OSBPL5: variants seen among roughly 807,000 people sequenced by gnomAD.
OSBPL5 encodes the protein oxysterol-binding protein-related protein 5.
A neutral mutation model predicts 111.2 loss-of-function variants in OSBPL5; 71 were observed. That is an observed-to-expected ratio of 0.64 (90% CI 0.53 to 0.78). The LOEUF is 0.78. Ranked by LOEUF, OSBPL5 falls within the 30% of genes least tolerant of loss-of-function variation. The pLI is 0.00. For synonymous variants in OSBPL5, 549 were observed against 513.9 expected (o/e 1.07, Z -0.93); for missense variants, 1,210 against 1,189.3 (o/e 1.02, Z -0.26).
At chr11:3,118,572 T>A (rs1858290864) in intron 7 of OSBPL5, among the ~76,000 whole-genome samples, 1 of 38,152 alleles carries the variant, frequency 2.6e-5, no homozygotes, top group South Asian at 6.0e-4. Context: ...AATAAACTAT[T>A]TTTTTTTTTT....
rs75344555 is a variant in OSBPL5, at chr11:3,090,585, C to T, written c.2371G>A (p.Glu791Lys). The T allele has an allele frequency of 2.0e-4, 319 of 1,613,062 alleles. No homozygotes were observed. In the African/African-American group the frequency reaches 3.5e-3, roughly 18 times the overall value. The change falls in exon 20 of 22, where the codon GAG becomes AAG. Residue 791 changes from glutamate to lysine, a missense_variant. By Grantham distance (56) the Glu-to-Lys change is moderately conservative. Transcript: ENST00000263650. The stretch of plus-strand genomic sequence containing the variant: ...GGGACAAAGTCACCATCCTGCTCCT[C>T]GTCTGAGAGCTCTGGGCAGGACTCA... ...TPESCPELSD[E>K]EQDGDFVPGG... is the part of the protein sequence containing the mutation.
At chr11:3,156,610 T>A (rs79456598) in intron 1 of OSBPL5, among the ~76,000 whole-genome samples, 1 of 152,178 alleles carries the variant, frequency 6.6e-6, no homozygotes, top group Non-Finnish European at 1.5e-5. Context: ...CTAAAGCAAA[T>A]ACAAGCCAGG....
intron 17 of OSBPL5, 27 bp from the exon 18 acceptor site, chr11:3,093,079 C>A: frequency 6.6e-7 from 1 of 1,514,262 alleles, no homozygotes; most frequent in East Asian, 2.3e-5. Context: ...CATCCTGAGC[C>A]AGTGGCCCGG....
In OSBPL5 at chr11:3,088,022, T is replaced by C. The variant is rs1258010689; in HGVS notation, c.*183A>G. On this transcript the variant is annotated 3_prime_UTR_variant, in exon 22 of 22. Coordinates refer to ENST00000263650, the MANE Select transcript of OSBPL5 (RefSeq NM_020896.4). ...GGCCCTGCAGAGAGGCCAGTGCCCC[T>C]GAGAGGGGCCCAGCACACCTGGGCC... The C allele has an allele frequency of 9.7e-6, 5 of 514,280 alleles. No homozygotes were observed. Among genetic ancestry groups the C allele is most frequent in the South Asian group, 3.8e-5 (1 of 26,468 alleles). The allele number at this position is 514,280 out of a possible 1,614,324, so 31.9% of individuals were successfully genotyped here. A position where few individuals can be genotyped will look rare whatever the true frequency, so the allele number is the denominator to read the frequency against.
chr11:3,122,334 G>A lies in OSBPL5; in HGVS notation c.300+14C>T, dbSNP rs770604554. ...ACAGTGACACTGCTGCACCCTCCCC[G>A]GGCCCGGGCTCACCTTGAGAGTCTC... On this transcript the variant is annotated intron_variant, in intron 4 of 21. Coordinates refer to ENST00000263650, the MANE Select transcript of OSBPL5 (RefSeq NM_020896.4). 43 of 1,611,124 alleles carry A rather than the reference G, an allele frequency of 2.7e-5. No homozygotes were observed. Among genetic ancestry groups the A allele is most frequent in the Admixed American group, 6.7e-5 (4 of 59,820 alleles).
chr11:3,158,580 G>C (rs572863805), intron 1 of OSBPL5, among the ~76,000 whole-genome samples: 1 of 152,378 alleles, frequency 6.6e-6, no homozygotes, highest in East Asian at 1.9e-4. Flanking sequence ...GCAGAAGCTA[G>C]ACTCACGGAG....
intron 7 of OSBPL5, among the ~76,000 whole-genome samples, chr11:3,111,337 C>T (rs1177504532): frequency 6.6e-6 from 1 of 152,044 alleles, no homozygotes; most frequent in Non-Finnish European, 1.5e-5. Flanking sequence ...TTGCTTCCAA[C>T]AGGGAAGATG....
rs34351257 is a variant in OSBPL5, at chr11:3,121,061, C to CTTTTTTTT, written c.403-445_403-438dup. Among the ~76,000 whole-genome samples the CTTTTTTTT allele has an allele frequency of 7.7e-6, 1 of 130,352 alleles. No homozygotes were observed. The highest frequency in any genetic ancestry group is 1.6e-5 in the Non-Finnish European group (1 of 62,458). 85.5% of individuals were successfully genotyped at this position (130,352 alleles called of 152,430 possible). ...CTTGTAACTGGCAGCTTTGTAGATT[C>CTTTTTTTT]TTTTTTTTTTTTTTTTTGAGACAGA... On this transcript the variant is annotated intron_variant, in intron 5 of 21. Coordinates refer to ENST00000263650, the MANE Select transcript of OSBPL5 (RefSeq NM_020896.4). This position sits in a 1 kb window ranked among gnomAD's most constrained non-coding sequence, Gnocchi z 4.3.
chr11:3,117,723 TA>T (rs772072918), intron 7 of OSBPL5, among the ~76,000 whole-genome samples: 77 of 152,338 alleles, frequency 5.1e-4, no homozygotes, highest in Non-Finnish European at 9.4e-4. Flanking sequence ...GTCTTCAAAA[TA>T]ATGTTTTCAA....
At chr11:3,101,840 T>A in intron 12 of OSBPL5, 141 bp from the exon 13 acceptor site, 1 of 730,444 alleles carries the variant, frequency 1.4e-6, no homozygotes. Flanking sequence ...GGTAGGGGCC[T>A]TCCTGGCTCT....
chr11:3,102,094 G>A (rs1564828130), intron 12 of OSBPL5, 89 bp downstream of exon 12: 4 of 1,373,272 alleles, frequency 2.9e-6, no homozygotes, highest in South Asian at 1.3e-5. Context: ...GGTCACGCTT[G>A]CCCCTGCCTG....
In OSBPL5 at chr11:3,093,793, T is replaced by C. The variant is rs981633669; in HGVS notation, c.1762A>G (p.Lys588Glu). The change falls in exon 16 of 22, where the codon AAG (lysine) becomes GAG (glutamate). Residue 588 changes from lysine (K) to glutamate (E), a missense_variant. Coordinates refer to ENST00000263650, the MANE Select transcript of OSBPL5 (RefSeq NM_020896.4). ...GSTSINQISG[K>E]ITSGEEVLAS... ...AGGACTTCCTCTCCCGACGTGATCTTTCCCGAGATCTGGTTGATGCTGGTG... is the reference window on the plus strand; with the variant it reads ...AGGACTTCCTCTCCCGACGTGATCTCTCCCGAGATCTGGTTGATGCTGGTG... 1 of 1,613,148 alleles carries C rather than the reference T, an allele frequency of 6.2e-7. No individual in the cohort carries two copies. The highest frequency in any genetic ancestry group is 1.3e-5 in the African/African-American group (1 of 75,050).
intron 7 of OSBPL5, among the ~76,000 whole-genome samples, chr11:3,114,364 A>G (rs1228680803): frequency 6.6e-6 from 1 of 152,170 alleles, no homozygotes; most frequent in African/African-American, 2.4e-5. Context: ...ATTTAGTCCT[A>G]GAGTAAAATG....
intron 19 of OSBPL5, among the ~76,000 whole-genome samples, chr11:3,091,861 C>T (rs762858781): frequency 3.3e-5 from 5 of 152,166 alleles, no homozygotes; most frequent in African/African-American, 7.2e-5. Flanking sequence ...GGGTGAGCAC[C>T]GGCCGCGCTC....
intron 15 of OSBPL5, 65 bp from the exon 16 acceptor site, chr11:3,093,900 C>A: frequency 6.5e-7 from 1 of 1,530,174 alleles, no homozygotes. Flanking sequence ...ATCACATCCT[C>A]ATGGGGGCAC....
At chr11:3,112,099 ATATGTG>A (rs1437388218) in intron 7 of OSBPL5, among the ~76,000 whole-genome samples, 5 of 109,492 alleles carry the variant, frequency 4.6e-5, no homozygotes, top group Non-Finnish European at 9.3e-5. Flanking sequence ...GTGTGTGTGC[ATATGTG>A]TGTGTGCATG....
At chr11:3,114,132 A>G (rs1000319358) in intron 7 of OSBPL5, among the ~76,000 whole-genome samples, 1 of 152,224 alleles carries the variant, frequency 6.6e-6, no homozygotes, top group Non-Finnish European at 1.5e-5. Flanking sequence ...TATTTGTAGG[A>G]AAATATGCTT....
chr11:3,149,715 T>A (rs1301172154), intron 1 of OSBPL5, among the ~76,000 whole-genome samples: 2 of 152,162 alleles, frequency 1.3e-5, no homozygotes, highest in African/African-American at 4.8e-5. Flanking sequence ...CTGCGCCCTG[T>A]CCCTTCTTCC....
chr11:3,105,764 T>G lies in OSBPL5; in HGVS notation c.1060-1387A>C, dbSNP rs1183276573. 1.3e-5 allele frequency among the ~76,000 whole-genome samples: 2 copies of G among 152,178 alleles called. No individual in the cohort carries two copies. The highest frequency in any genetic ancestry group is 2.9e-5 in the Non-Finnish European group (2 of 68,006). On this transcript the variant is annotated intron_variant, in intron 9 of 21. Transcript: ENST00000263650. This position sits in a 1 kb window ranked among gnomAD's most constrained non-coding sequence, Gnocchi z 5.2. ...AGGTTGGGTGCCCGGGCCCCTTGGCTGCCCGCTCCATGCCCTCTGCCCGGA... is the reference window on the plus strand; with the variant it reads ...AGGTTGGGTGCCCGGGCCCCTTGGCGGCCCGCTCCATGCCCTCTGCCCGGA...
Sources: allele counts gnomAD v4.1 joint callset (sites outside exome capture counted in the v4.1 genomes callset), GRCh38; gene constraint gnomAD v4.1.1; non-coding constraint Gnocchi (gnomAD v3.1); transcripts MANE v1.5; gene names NCBI Gene and HGNC (gene_info 2026-07-23, HGNC 2026-07-21).